The following VWF variants were observed in gnomAD, a reference collection of about 807,000 sequenced individuals.
VWF encodes Factor VIII related antigen.
VWF carries 176 observed loss-of-function variants against 308.6 expected under a neutral mutation model. The ratio of observed to expected loss-of-function variants is 0.57; its 90% CI spans 0.50 to 0.65. The LOEUF is 0.65. Among genes scored for constraint, VWF ranks in the 30% least tolerant of loss-of-function variants. VWF has a pLI of 0.00. For missense variants in VWF, 3,146 were observed against 3,648.2 expected (o/e 0.86, Z 3.55); for synonymous variants, 1,385 against 1,443.4 (o/e 0.96, Z 0.92).
rs1052182080 is a variant in VWF, at chr12:6,124,183, A to C, written c.-1+238T>G. Among the ~76,000 whole-genome samples the C allele has an allele frequency of 1.4e-4, 22 of 152,176 alleles. 1 individual carries two copies. Among genetic ancestry groups the C allele is most frequent in the Admixed American group, 1.0e-3 (16 of 15,276 alleles). ...GTGAGGGCAAACTTCATTCCAACTC[A>C]TTTGAGTGAAGTACTATCAAACAGT... is the stretch of plus-strand genomic sequence containing the variant. On this transcript the variant is annotated intron_variant, in intron 1 of 51. Transcript: ENST00000261405.
At position 6,058,201 on chromosome 12, in the gene VWF, G is replaced by A. The variant is rs184909028; in HGVS notation, c.1534-157C>T. ...GCAGCTAAGCCCTAGGCTGCAAAAG[G>A]GGGGGCGGGGGAAAGTGAACTGCAG... On this transcript the variant is annotated intron_variant, in intron 13 of 51. Transcript: ENST00000261405. The surrounding 1 kb of genome is among the most constrained non-coding windows in gnomAD (Gnocchi z 4.9). Among the ~76,000 whole-genome samples, 59 of 128,022 alleles carry A rather than the reference G, an allele frequency of 4.6e-4. No individual in the cohort carries two copies. The highest frequency in any genetic ancestry group is 6.4e-4 in the Non-Finnish European group (38 of 59,208). The allele number at this position is 128,022 out of a possible 152,430, so 84.0% of individuals were successfully genotyped here.
intron 10 of VWF, among the ~76,000 whole-genome samples, chr12:6,068,731 C>T (rs1022349855): frequency 1.3e-5 from 2 of 151,976 alleles, no homozygotes; most frequent in African/African-American, 4.8e-5. Flanking sequence ...TCAAATGATC[C>T]ACCTGCCTTG....
rs969154493 is a variant in VWF at position 5,985,673 on chromosome 12, C to A, written c.6799-8G>T. The A allele has an allele frequency of 5.6e-6, 9 of 1,613,416 alleles. No individual in the cohort carries two copies. Among genetic ancestry groups the A allele is most frequent in the Non-Finnish European group, 7.6e-6 (9 of 1,179,514 alleles). ...GACCCAGGCTTCCAGGAACTGAGGG[C>A]AAAGCGAGGTTCAGAAAGGGCACAG... On this transcript the variant is annotated splice_region_variant and splice_polypyrimidine_tract_variant and intron_variant, in intron 38 of 51. Coordinates refer to ENST00000261405, the MANE Select transcript of VWF (RefSeq NM_000552.5).
chr12:6,099,467 T>C (rs1027050013), intron 5 of VWF, among the ~76,000 whole-genome samples: 3 of 152,154 alleles, frequency 2.0e-5, no homozygotes, highest in Admixed American at 1.3e-4. Flanking sequence ...ATACTTCTTA[T>C]AAGATTTAGT....
intron 35 of VWF, 39 bp downstream of exon 35, chr12:5,995,963 C>T: frequency 6.3e-7 from 1 of 1,599,064 alleles, no homozygotes; most frequent in Non-Finnish European, 8.5e-7. Context: ...TCCTGACATT[C>T]TATTGCCTTA....
intron 47 of VWF, chr12:5,953,942 A>C: frequency 3.7e-6 from 1 of 269,064 alleles, no homozygotes; most frequent in Non-Finnish European, 7.2e-6. Flanking sequence ...CCCAAATCTC[A>C]TCTTTCTCTG....
chr12:6,067,260 T>A (rs1944726751), intron 10 of VWF, among the ~76,000 whole-genome samples: 1 of 152,144 alleles, frequency 6.6e-6, no homozygotes, highest in South Asian at 2.1e-4. Context: ...ACAAACACAG[T>A]AATATGGTCA....
chr12:6,063,189 G>A lies in VWF; in HGVS notation c.1433-135C>T. 1 of 756,356 alleles carries A rather than the reference G, an allele frequency of 1.3e-6. No individual in the cohort carries two copies. Among genetic ancestry groups the A allele is most frequent in the Non-Finnish European group, 2.3e-6 (1 of 439,946 alleles). The allele number at this position is 756,356 out of a possible 1,614,324, so 46.9% of individuals were successfully genotyped here. A position where few individuals can be genotyped will look rare whatever the true frequency, so the allele number is the denominator to read the frequency against. ...AGAGCAATGACTTAGGGGCAGATGG[G>A]GTGGCCATGAGGTTTAAGGGGGTGT... On this transcript the variant is annotated intron_variant, in intron 12 of 51. Transcript: ENST00000261405. The surrounding 1 kb of genome is among the most constrained non-coding windows in gnomAD (Gnocchi z 4.9).
At position 6,022,019 on chromosome 12, in the gene VWF, C is replaced by T; in HGVS notation, c.3555G>A (p.Glu1185=). ...AHCPPGKILD[E]LLQTCVDPED... ...CAGGGTCAACGCAGGTCTGCAAAAG[C>T]TCATCCAGGATTTTCCCTGCAAAAG... is the stretch of plus-strand genomic sequence containing the variant. Residue 1185 remains glutamate, a synonymous_variant, in exon 27 of 52, where the codon GAG becomes GAA. Coordinates refer to ENST00000261405, the MANE Select transcript of VWF (RefSeq NM_000552.5). The T allele has an allele frequency of 3.7e-6, 6 of 1,614,176 alleles. No homozygotes were observed. The highest frequency in any genetic ancestry group is 3.3e-5 in the South Asian group (3 of 91,080).
intron 16 of VWF, among the ~76,000 whole-genome samples, chr12:6,049,200 T>A (rs767014633): frequency 7.2e-5 from 11 of 152,090 alleles, no homozygotes; most frequent in Non-Finnish European, 8.8e-5. Context: ...AGAATAAAAA[T>A]AAACAGCGGC....
In VWF at chr12:5,968,356, C is replaced by T. The variant is rs1943429989; in HGVS notation, c.7730-189G>A. The T allele has an allele frequency of 4.9e-6, 3 of 611,352 alleles. No individual in the cohort carries two copies. The African/African-American group carries it at 5.5e-5, about 11-fold the overall frequency. The allele number at this position is 611,352 out of a possible 1,614,324, so 37.9% of individuals were successfully genotyped here. A position where few individuals can be genotyped will look rare whatever the true frequency, so the allele number is the denominator to read the frequency against. On this transcript the variant is annotated intron_variant, in intron 45 of 51. Transcript: ENST00000261405. ...CTGGAGCCCACAGCGGCCTCCCTTC[C>T]CCATGCAGCCCACAATGAGAAGAGC...
intron 47 of VWF, among the ~76,000 whole-genome samples, chr12:5,965,643 C>T (rs182128505): frequency 2.1e-4 from 32 of 152,346 alleles, no homozygotes; most frequent in African/African-American, 7.7e-4. Context: ...CAACGGAAGA[C>T]TCACATCTCG....
At chr12:6,027,549 G>A (rs1423126765) in intron 22 of VWF, among the ~76,000 whole-genome samples, 1 of 152,150 alleles carries the variant, frequency 6.6e-6, no homozygotes, top group East Asian at 1.9e-4. Context: ...GAGGGTCAGA[G>A]TTCAAAAGGT....
At position 6,103,422 on chromosome 12, in the gene VWF, G is replaced by GTATACACACGTGTGTA. The variant is rs1230288603; in HGVS notation, c.532+6936_532+6951dup. Among the ~76,000 whole-genome samples, 15 of 114,074 alleles carry GTATACACACGTGTGTA rather than the reference G, an allele frequency of 1.3e-4. No homozygotes were observed. In the East Asian group the frequency reaches 2.7e-3, roughly 21 times the overall value. 74.8% of individuals were successfully genotyped at this position (114,074 alleles called of 152,430 possible). A position where few individuals can be genotyped will look rare whatever the true frequency, so the allele number is the denominator to read the frequency against. On this transcript the variant is annotated intron_variant, in intron 5 of 51. Transcript: ENST00000261405. ...CACGTGTGTGTATACACACGTGTGT[G>GTATACACACGTGTGTA]TATACACACGTGTGTATATACATAC... is the stretch of plus-strand genomic sequence containing the variant.
chr12:6,016,055 C>A lies in VWF; in HGVS notation c.5455+34G>T, dbSNP rs370652696. Reference sequence around the variant, plus strand: ...CCTCTATCATTTCTGAAGTCTCGCTCTCCTGAATTGAGGACTGTACACCAG... The same window carrying A: ...CCTCTATCATTTCTGAAGTCTCGCTATCCTGAATTGAGGACTGTACACCAG... On this transcript the variant is annotated intron_variant, in intron 31 of 51. Transcript: ENST00000261405. 9.9e-5 allele frequency: 159 copies of A among 1,613,654 alleles called. 1 individual carries two copies. In the Middle Eastern group the frequency reaches 1.2e-3, roughly 12 times the overall value.
intron 34 of VWF, among the ~76,000 whole-genome samples, chr12:6,009,426 AACACACACACACAC>A (rs3062550): frequency 1.8e-4 from 26 of 146,630 alleles, no homozygotes; most frequent in Middle Eastern, 3.4e-3. Context: ...GCCATTATCA[AACACACACACACAC>A]ACACACACAC....
At chr12:6,010,675 T>C (rs1467162959) in intron 34 of VWF, among the ~76,000 whole-genome samples, 1 of 152,232 alleles carries the variant, frequency 6.6e-6, no homozygotes, top group Non-Finnish European at 1.5e-5. Flanking sequence ...ATTAGGAAGC[T>C]CTCTTTGAAA....
chr12:5,997,809 T>C (rs1456586174), intron 34 of VWF, among the ~76,000 whole-genome samples: 1 of 152,182 alleles, frequency 6.6e-6, no homozygotes, highest in Non-Finnish European at 1.5e-5. Flanking sequence ...TATACTCCAG[T>C]TTAGTGATTA....
At chr12:6,122,327 T>C (rs1489153445) in intron 2 of VWF, among the ~76,000 whole-genome samples, 3 of 152,214 alleles carry the variant, frequency 2.0e-5, no homozygotes, top group Non-Finnish European at 2.9e-5. Context: ...GTCTTGGGCA[T>C]GTTAAATTTT....
Sources: gnomAD v4.1 joint callset for allele counts (sites outside exome capture counted in the v4.1 genomes callset) on GRCh38, gnomAD v4.1.1 for gene constraint, Gnocchi (gnomAD v3.1) non-coding constraint, MANE v1.5 for transcripts, NCBI Gene and HGNC (gene_info 2026-07-23, HGNC 2026-07-21) for gene names.